The following SUMF1 variants were observed in gnomAD, a reference collection of about 807,000 sequenced individuals.
The protein encoded by SUMF1 is formylglycine-generating enzyme.
A neutral mutation model predicts 47.6 loss-of-function variants in SUMF1; 48 were observed. The observed-to-expected ratio is 1.01, with a 90% confidence interval of 0.80 to 1.28. The LOEUF (loss-of-function observed/expected upper bound fraction) is 1.28. Among genes scored for constraint, SUMF1 ranks in the 50% most tolerant of loss-of-function variants. SUMF1 has a pLI of 0.00. For synonymous variants in SUMF1, 230 were observed against 192.1 expected (o/e 1.20, Z -1.63); for missense variants, 571 against 485.4 (o/e 1.18, Z -1.66).
chr3:4,178,278 T>C (rs1695013919), intron 8 of SUMF1, among the ~76,000 whole-genome samples: 1 of 152,164 alleles, frequency 6.6e-6, no homozygotes, highest in South Asian at 2.1e-4. Flanking sequence ...TGAACATTGA[T>C]GCAAAAATCC....
At chr3:4,170,323 T>G (rs1017903) in intron 8 of SUMF1, among the ~76,000 whole-genome samples, 30,931 of 152,138 alleles carry the variant, frequency 0.2, 3,748 homozygotes, top group East Asian at 0.4. Context: ...CTGGAGGCCT[T>G]GTTAAAATTC....
At chr3:4,141,036 A>C (rs768931530) in intron 8 of SUMF1, among the ~76,000 whole-genome samples, 2 of 152,148 alleles carry the variant, frequency 1.3e-5, no homozygotes, top group Non-Finnish European at 2.9e-5. Context: ...GTTGACCTTT[A>C]AAAGAATCCA....
In SUMF1 at chr3:4,094,335, A is replaced by C. The variant is rs116546660; in HGVS notation, c.1015-25590T>G. Among the ~76,000 whole-genome samples, 978 of 152,208 alleles carry C rather than the reference A, an allele frequency of 6.4e-3. 23 individuals carry two copies. Among genetic ancestry groups the C allele is most frequent in the African/African-American group, 0.022 (923 of 41,502 alleles). ...GGCACTGGAGATAGAAAGATGGTAT[A>C]AATATAGATCATGCCCTCATGAACT... On this transcript the variant is annotated intron_variant and NMD_transcript_variant, in intron 8 of 12. Coordinates refer to the SUMF1 transcript ENST00000448413.
Position 4,087,435 on chromosome 3 carries a change from G to A in SUMF1, c.1015-18690C>T, listed in dbSNP as rs192442942. On this transcript the variant is annotated intron_variant and NMD_transcript_variant, in intron 8 of 12. Coordinates refer to the SUMF1 transcript ENST00000448413. ...TGCACAGGTATGTAACTTGCTGAGG[G>A]TCACCTAAAGCTCAGTAAAAGGCAG... Among the ~76,000 whole-genome samples the A allele has an allele frequency of 2.3e-3, 347 of 152,238 alleles. 4 individuals are homozygous for A. Among genetic ancestry groups the A allele is most frequent in the Middle Eastern group, 3.4e-3 (1 of 294 alleles).
intron 8 of SUMF1, among the ~76,000 whole-genome samples, chr3:4,375,595 C>G (rs1700302544): frequency 6.6e-6 from 1 of 152,162 alleles, no homozygotes; most frequent in Non-Finnish European, 1.5e-5. Context: ...TTTTAAGTCT[C>G]TAACCACCTG....
At chr3:4,290,942 G>T (rs1272388128) in intron 8 of SUMF1, among the ~76,000 whole-genome samples, 1 of 152,026 alleles carries the variant, frequency 6.6e-6, no homozygotes, top group African/African-American at 2.4e-5. Flanking sequence ...CTGTAAATCC[G>T]AACACTTGTA....
chr3:4,149,893 T>C (rs978958901), intron 8 of SUMF1, among the ~76,000 whole-genome samples: 1 of 152,142 alleles, frequency 6.6e-6, no homozygotes, highest in Non-Finnish European at 1.5e-5. Flanking sequence ...TTACTTGTTA[T>C]AAGAAATGCA....
chr3:4,186,357 TGGG>T (rs1212521285), intron 8 of SUMF1, among the ~76,000 whole-genome samples: 2 of 152,100 alleles, frequency 1.3e-5, no homozygotes, highest in African/African-American at 4.8e-5. Context: ...GCTATGGTAA[TGGG>T]GGGAGGTGAG....
chr3:4,236,237 C>A (rs1559597163), intron 8 of SUMF1, among the ~76,000 whole-genome samples: 1 of 151,836 alleles, frequency 6.6e-6, no homozygotes, highest in South Asian at 2.1e-4. Flanking sequence ...ATAGAAAAAC[C>A]ACATATCTAA....
At chr3:4,279,543 G>A (rs1575047795) in intron 8 of SUMF1, among the ~76,000 whole-genome samples, 1 of 152,176 alleles carries the variant, frequency 6.6e-6, no homozygotes, top group East Asian at 1.9e-4. Context: ...CAAATAGTAG[G>A]CGCTATGATC....
intron 1 of SUMF1, among the ~76,000 whole-genome samples, chr3:4,464,066 CA>C (rs1442312227): frequency 6.6e-6 from 1 of 151,812 alleles, no homozygotes; most frequent in African/African-American, 2.4e-5. Context: ...TACACAAAAA[CA>C]AAAAAAGACT....
At chr3:4,270,962 T>G (rs924890258) in intron 8 of SUMF1, among the ~76,000 whole-genome samples, 3 of 152,210 alleles carry the variant, frequency 2.0e-5, no homozygotes. Context: ...GTATGCTATT[T>G]GTGAAGGCAA....
At chr3:4,221,339 A>G (rs1224332844) in intron 8 of SUMF1, among the ~76,000 whole-genome samples, 2 of 152,092 alleles carry the variant, frequency 1.3e-5, no homozygotes, top group Non-Finnish European at 1.5e-5. Flanking sequence ...ATGAATCTTA[A>G]CAGTCATAAT....
intron 7 of SUMF1, among the ~76,000 whole-genome samples, chr3:4,395,947 G>C (rs1426801349): frequency 6.6e-6 from 1 of 152,118 alleles, no homozygotes; most frequent in African/African-American, 2.4e-5. Flanking sequence ...TATATTTTTA[G>C]TCTTCCAAAC....
At chr3:4,180,759 G>A (rs1368213005) in intron 8 of SUMF1, among the ~76,000 whole-genome samples, 1 of 145,692 alleles carries the variant, frequency 6.9e-6, no homozygotes, top group Non-Finnish European at 1.5e-5. Context: ...AGGCTGAGGT[G>A]GAAAGATCAC....
chr3:4,039,209 A>ATATTTT (rs1553588586), intron 9 of SUMF1, among the ~76,000 whole-genome samples: 3 of 39,496 alleles, frequency 7.6e-5, no homozygotes, highest in African/African-American at 2.3e-4. Flanking sequence ...ATCTATGCAA[A>ATATTTT]TTTTTTTTTT....
At chr3:4,053,600 T>C (rs1695148322) in intron 9 of SUMF1, among the ~76,000 whole-genome samples, 1 of 152,140 alleles carries the variant, frequency 6.6e-6, no homozygotes, top group Admixed American at 6.6e-5. Context: ...TAGAAGGTGG[T>C]CCAGAATCCC....
chr3:4,133,379 A>T (rs1309175349), intron 8 of SUMF1, among the ~76,000 whole-genome samples: 4 of 152,054 alleles, frequency 2.6e-5, no homozygotes, highest in Non-Finnish European at 5.9e-5. Flanking sequence ...TGATCTCAGG[A>T]GATGTGTATG....
intron 8 of SUMF1, among the ~76,000 whole-genome samples, chr3:4,070,190 C>G (rs913631598): frequency 6.6e-6 from 1 of 152,240 alleles, no homozygotes; most frequent in Non-Finnish European, 1.5e-5. Flanking sequence ...TGAACCCAAC[C>G]AATGTATTTC....
Sources: allele counts gnomAD v4.1 joint callset (sites outside exome capture counted in the v4.1 genomes callset), GRCh38; gene constraint gnomAD v4.1.1; transcripts MANE v1.5; gene names NCBI Gene and HGNC (gene_info 2026-07-23, HGNC 2026-07-21).